The following R3HCC1 variants were observed in gnomAD, a reference collection of about 807,000 sequenced individuals.
R3HCC1 encodes the protein R3H domain and coiled-coil containing 1, also known as R3H and coiled-coil domain-containing protein 1.
A neutral mutation model predicts 40.0 loss-of-function variants in R3HCC1; 32 were observed. That is an observed-to-expected ratio of 0.80 (90% confidence interval 0.60 to 1.07). The LOEUF is 1.07. Among genes scored for constraint, R3HCC1 ranks in the 50% least tolerant of loss-of-function variants. R3HCC1 has a pLI of 0.00. For missense variants in R3HCC1, 586 were observed against 563.3 expected, an observed-to-expected ratio of 1.04 and a Z score of -0.41; for synonymous variants, 237 against 232.8, an observed-to-expected ratio of 1.02 and a Z score of -0.17.
Position 23,290,047 on chromosome 8 carries a change from C to T in R3HCC1, c.430C>T (p.Arg144Cys), listed in dbSNP as rs751754569. The T allele has an allele frequency of 4.4e-5, 68 of 1,545,300 alleles. No homozygotes were observed. The African/African-American group carries it at 5.5e-4, about 12-fold the overall frequency. Residue 144 changes from arginine to cysteine, a missense_variant, in exon 4 of 8, where the codon CGC becomes TGC. Coordinates refer to ENST00000265806, the MANE Select transcript of R3HCC1 (RefSeq NM_001136108.3). ...GCCTTTGTATGTGCCCCGGGTGCTG[C>T]GCAGGCAGGAAGAATGGGGGCTGAC...
intron 2 of R3HCC1, 115 bp downstream of exon 2, chr8:23,288,748 A>T (rs2117118248): frequency 1.5e-6 from 2 of 1,299,050 alleles, no homozygotes; most frequent in East Asian, 5.1e-5. Context: ...CTTGGCCTTT[A>T]GTCTTTATAA....
chr8:23,290,275 A>G lies in R3HCC1; in HGVS notation c.658A>G (p.Ser220Gly), dbSNP rs1271257943. Reference sequence around the variant, plus strand: ...TGGCCCTGAGCCTCTGGGGCCTGAGAGTCAGTCAGGGAAGGGAGACATGGT... The same window carrying G: ...TGGCCCTGAGCCTCTGGGGCCTGAGGGTCAGTCAGGGAAGGGAGACATGGT... The change falls in exon 4 of 8, where the codon AGT becomes GGT. Residue 220 changes from serine to glycine, a missense_variant. Ser to Gly is a moderately conservative substitution (Grantham distance 56). Transcript: ENST00000265806. 1.9e-6 allele frequency: 3 copies of G among 1,551,720 alleles called. No individual in the cohort carries two copies. Among genetic ancestry groups the G allele is most frequent in the Non-Finnish European group, 2.6e-6 (3 of 1,146,986 alleles).
chr8:23,292,733 G>A (rs1314350551), intron 5 of R3HCC1, among the ~76,000 whole-genome samples: 1 of 152,226 alleles, frequency 6.6e-6, no homozygotes, highest in Non-Finnish European at 1.5e-5. Context: ...GGGTGGCTAG[G>A]GGCAACACGT....
intron 4 of R3HCC1, among the ~76,000 whole-genome samples, chr8:23,290,816 G>A (rs1236158959): frequency 6.6e-6 from 1 of 152,198 alleles, no homozygotes; most frequent in Non-Finnish European, 1.5e-5. Context: ...TGCCAGTCAT[G>A]GAAATTACTC....
intron 7 of R3HCC1, 78 bp from the exon 8 acceptor site, chr8:23,295,889 T>C: frequency 6.8e-7 from 1 of 1,474,560 alleles, no homozygotes; most frequent in East Asian, 2.5e-5. Flanking sequence ...TCTGATGGCT[T>C]GTACGGCTGC....
intron 1 of R3HCC1, 138 bp from the exon 2 acceptor site, chr8:23,288,368 G>C: frequency 3.9e-6 from 5 of 1,284,330 alleles, no homozygotes; most frequent in Non-Finnish European, 5.3e-6. Flanking sequence ...GACTTGCCGG[G>C]GGTCCCTGGC....
Position 23,289,237 on chromosome 8 carries a change from T to TG in R3HCC1, c.248+90dup, listed in dbSNP as rs1194810171. On this transcript the variant is annotated intron_variant, in intron 3 of 7. Transcript: ENST00000265806. Reference sequence around the variant, plus strand: ...TGGTCAGCCTTTGGAAGGGCAGGGCTGGGGGGAACCAGGGCTGGGACCCCC... The same window carrying TG: ...TGGTCAGCCTTTGGAAGGGCAGGGCTGGGGGGGAACCAGGGCTGGGACCCCC... 6.1e-5 allele frequency: 89 copies of TG among 1,451,426 alleles called. No homozygotes were observed. The East Asian group carries it at 2.0e-3, about 32-fold the overall frequency. 89.9% of individuals were successfully genotyped at this position (1,451,426 alleles called of 1,614,324 possible). A position where few individuals can be genotyped will look rare whatever the true frequency, so the allele number is the denominator to read the frequency against.
At position 23,289,906 on chromosome 8, in the gene R3HCC1, C is replaced by T. The variant is rs781769852; in HGVS notation, c.289C>T (p.Pro97Ser). 6.5e-7 allele frequency: 1 copy of T among 1,533,650 alleles called. No homozygotes were observed. Among genetic ancestry groups the T allele is most frequent in the Non-Finnish European group, 8.7e-7 (1 of 1,145,366 alleles). ...TGGCCTCTCTGGCCCCTGCCGCGCT[C>T]CTGCCTCCTGCCCCAGCAGGTACCA... Residue 97 changes from proline (P) to serine (S), a missense_variant, in exon 4 of 8, where the codon CCT becomes TCT. Coordinates refer to ENST00000265806, the MANE Select transcript of R3HCC1 (RefSeq NM_001136108.3).
chr8:23,290,598 G>C, intron 4 of R3HCC1, 129 bp downstream of exon 4: 1 of 1,139,882 alleles, frequency 8.8e-7, no homozygotes, highest in Non-Finnish European at 1.2e-6. Context: ...TGGGTGTTGG[G>C]TGACAGGGAT....
At chr8:23,291,285 C>T in intron 4 of R3HCC1, 76 bp from the exon 5 acceptor site, 2 of 1,489,148 alleles carry the variant, frequency 1.3e-6, no homozygotes, top group Middle Eastern at 2.0e-4. Context: ...CCCTGCAGAG[C>T]TCTCAGCGCG....
intron 3 of R3HCC1, 78 bp downstream of exon 3, chr8:23,289,231 C>T: frequency 6.7e-7 from 1 of 1,481,544 alleles, no homozygotes; most frequent in Non-Finnish European, 9.0e-7. Flanking sequence ...TTTGGAAGGG[C>T]AGGGCTGGGG....
At chr8:23,291,892 G>T (rs1361417126) in intron 5 of R3HCC1, among the ~76,000 whole-genome samples, 6 of 152,194 alleles carry the variant, frequency 3.9e-5, no homozygotes, top group Non-Finnish European at 8.8e-5. Flanking sequence ...GTCTCCAGCA[G>T]GCTACGGGCC....
chr8:23,295,990 A>C lies in R3HCC1; in HGVS notation c.1216A>C (p.Arg406=). Residue 406 remains arginine (R), a synonymous_variant, in exon 8 of 8, where the codon AGG becomes CGG. Transcript: ENST00000265806. Reference sequence around the variant, plus strand: ...AGAACTCCTGCGTCTGGTGAAGGAGAGGCCACAGACAAATGCGACTGTGGC... The same window carrying C: ...AGAACTCCTGCGTCTGGTGAAGGAGCGGCCACAGACAAATGCGACTGTGGC... 2 of 1,550,780 alleles carry C rather than the reference A, an allele frequency of 1.3e-6. No individual in the cohort carries two copies. Among genetic ancestry groups the C allele is most frequent in the Non-Finnish European group, 1.7e-6 (2 of 1,146,802 alleles).
At chr8:23,293,022 G>A (rs1802902313) in intron 5 of R3HCC1, among the ~76,000 whole-genome samples, 1 of 152,162 alleles carries the variant, frequency 6.6e-6, no homozygotes, top group South Asian at 2.1e-4. Flanking sequence ...TTCCTCCTTG[G>A]TGTCGTGCCA....
chr8:23,290,345 A>C lies in R3HCC1; in HGVS notation c.728A>C (p.Glu243Ala). The C allele has an allele frequency of 1.3e-6, 2 of 1,551,808 alleles. No individual in the cohort carries two copies. The highest frequency in any genetic ancestry group is 1.7e-6 in the Non-Finnish European group (2 of 1,147,026). The change falls in exon 4 of 8, where the codon GAA becomes GCA. Residue 243 changes from glutamate to alanine, a missense_variant. Transcript: ENST00000265806. ...GGGTCCACCCTGCAGCTAGACCTGG[A>C]AAAGGGGAAGGAGAGTCTGTTGGAG...
At chr8:23,295,446 C>T (rs978436327) in intron 7 of R3HCC1, 2 of 456,980 alleles carry the variant, frequency 4.4e-6, no homozygotes, top group South Asian at 1.5e-5. Flanking sequence ...TCCTTTTCCC[C>T]TTCTACTTCC....
chr8:23,288,832 G>C (rs1191564482), intron 2 of R3HCC1, among the ~76,000 whole-genome samples, 184 bp from the exon 3 acceptor site: 1 of 152,208 alleles, frequency 6.6e-6, no homozygotes, highest in South Asian at 2.1e-4. Flanking sequence ...CCGGCACAGG[G>C]ATTGGGGATG....
intron 2 of R3HCC1, 36 bp from the exon 3 acceptor site, chr8:23,288,980 G>A: frequency 6.5e-7 from 1 of 1,535,050 alleles, no homozygotes; most frequent in Non-Finnish European, 8.7e-7. Context: ...CCAGGCCCTG[G>A]ACACCTGCTC....
Position 23,290,361 on chromosome 8 carries a change from T to C in R3HCC1, c.744T>C (p.Ser248=), listed in dbSNP as rs1802839649. Residue 248 remains serine, a synonymous_variant, in exon 4 of 8, where the codon AGT becomes AGC. Coordinates refer to ENST00000265806, the MANE Select transcript of R3HCC1 (RefSeq NM_001136108.3). ...TAGACCTGGAAAAGGGGAAGGAGAG[T>C]CTGTTGGAGAAGAGGCTGGTGGCAG... 1.3e-6 allele frequency: 2 copies of C among 1,550,182 alleles called. No individual in the cohort carries two copies. The highest frequency in any genetic ancestry group is 2.0e-5 in the Admixed American group (1 of 50,850).
Sources: gnomAD v4.1 joint callset for allele counts (sites outside exome capture counted in the v4.1 genomes callset) on GRCh38, gnomAD v4.1.1 for gene constraint, MANE v1.5 for transcripts, NCBI Gene and HGNC (gene_info 2026-07-23, HGNC 2026-07-21) for gene names.